The following MAST2 variants were observed in gnomAD, a reference collection of about 807,000 sequenced individuals.
MAST2 encodes microtubule-associated serine/threonine-protein kinase 2.
Under a neutral mutation model 147.4 loss-of-function variants are expected in MAST2, and 70 were observed. The observed-to-expected ratio is 0.47, with a 90% CI of 0.39 to 0.58. MAST2 has a LOEUF of 0.58. Among genes scored for constraint, MAST2 ranks in the 20% least tolerant of loss-of-function variants. The pLI is 0.00. For synonymous variants in MAST2, 869 were observed against 896.8 expected, an observed-to-expected ratio of 0.97 and a Z score of 0.55; for missense variants, 2,080 against 2,302.3, an observed-to-expected ratio of 0.90 and a Z score of 1.98.
chr1:45,988,047 C>T (rs1454752883), intron 5 of MAST2, among the ~76,000 whole-genome samples: 1 of 151,894 alleles, frequency 6.6e-6, no homozygotes, highest in Non-Finnish European at 1.5e-5. Flanking sequence ...TAGTCTTGCT[C>T]TGTTGCCCAG....
chr1:45,955,687 G>A (rs2148887989), intron 4 of MAST2, among the ~76,000 whole-genome samples: 1 of 152,292 alleles, frequency 6.6e-6, no homozygotes, highest in African/African-American at 2.4e-5. Context: ...CAATTGTAAA[G>A]GCCCTGAGAT....
intron 6 of MAST2, chr1:46,001,074 T>C (rs1645256369): frequency 2.0e-6 from 2 of 993,798 alleles, no homozygotes; most frequent in Non-Finnish European, 2.8e-6. Context: ...AAACTGGTTG[T>C]GATGATTCTT....
At chr1:45,973,041 TA>T (rs1222179360) in intron 5 of MAST2, among the ~76,000 whole-genome samples, 1 of 152,210 alleles carries the variant, frequency 6.6e-6, no homozygotes, top group Non-Finnish European at 1.5e-5. Context: ...CATTAATTTG[TA>T]TCATTTAGTA....
rs776300667 is a variant in MAST2 at position 46,028,752 on chromosome 1, G to A, written c.2053-16G>A. Reference sequence around the variant, plus strand: ...AGCCTCAGGAGGCTGAGCCAGCCTGGCTTTTCTGTGCCCAGGTATGCGGGA... The same window carrying A: ...AGCCTCAGGAGGCTGAGCCAGCCTGACTTTTCTGTGCCCAGGTATGCGGGA... On this transcript the variant is annotated splice_polypyrimidine_tract_variant and intron_variant, in intron 17 of 28. Transcript: ENST00000361297. The A allele has an allele frequency of 2.5e-6, 4 of 1,613,774 alleles. No individual in the cohort carries two copies. The highest frequency in any genetic ancestry group is 3.4e-6 in the Non-Finnish European group (4 of 1,179,954).
chr1:46,031,995 A>G lies in MAST2; in HGVS notation c.3188-183A>G, dbSNP rs548913875. ...ACATAAATGCTAGCTGCCATTTCTC[A>G]TCACCACCACCGTCTCTTGGGGTCT... On this transcript the variant is annotated intron_variant, in intron 24 of 28. Coordinates refer to ENST00000361297, the MANE Select transcript of MAST2 (RefSeq NM_015112.3). This position sits in a 1 kb window ranked among gnomAD's most constrained non-coding sequence, Gnocchi z 4.1. 6.6e-6 allele frequency among the ~76,000 whole-genome samples: 1 copy of G among 152,284 alleles called. No individual in the cohort carries two copies. Among genetic ancestry groups the G allele is most frequent in the Non-Finnish European group, 1.5e-5 (1 of 68,024 alleles).
At chr1:46,009,774 C>T (rs1014582693) in intron 9 of MAST2, among the ~76,000 whole-genome samples, 2 of 152,140 alleles carry the variant, frequency 1.3e-5, no homozygotes, top group Non-Finnish European at 2.9e-5. Context: ...CTTTTTCACC[C>T]TCTTCCTCTT....
intron 3 of MAST2, among the ~76,000 whole-genome samples, chr1:45,865,612 T>G (rs968780150): frequency 2.0e-5 from 3 of 152,206 alleles, no homozygotes; most frequent in Non-Finnish European, 4.4e-5. Flanking sequence ...GTCTGTGTTG[T>G]CTGTCCATCC....
intron 8 of MAST2, among the ~76,000 whole-genome samples, chr1:46,007,125 G>C (rs372438136): frequency 2.2e-4 from 34 of 152,328 alleles, no homozygotes; most frequent in African/African-American, 7.9e-4. Context: ...TTTAGGTTAA[G>C]GAAGGTGATG....
Position 45,880,868 on chromosome 1 carries a change from A to G in MAST2, c.469-1496A>G, listed in dbSNP as rs11490919. ...CATGGTGGTGCATGCCTGTAATCCC[A>G]GCTGGAGGCTGAGGCAGTAGAATCG... On this transcript the variant is annotated intron_variant, in intron 3 of 28. Coordinates refer to ENST00000361297, the MANE Select transcript of MAST2 (RefSeq NM_015112.3). Among the ~76,000 whole-genome samples the G allele has an allele frequency of 8.2e-3, 1,239 of 151,184 alleles. 20 individuals carry two copies. The highest frequency in any genetic ancestry group is 0.029 in the African/African-American group (1,171 of 41,066).
At chr1:45,939,248 A>T (rs1281483265) in intron 4 of MAST2, among the ~76,000 whole-genome samples, 4 of 152,160 alleles carry the variant, frequency 2.6e-5, no homozygotes, top group Non-Finnish European at 5.9e-5. Flanking sequence ...TTTTTCTAGC[A>T]GAATTCGCTG....
intron 4 of MAST2, among the ~76,000 whole-genome samples, chr1:45,953,832 G>A (rs915458257): frequency 1.3e-5 from 2 of 152,158 alleles, no homozygotes; most frequent in Admixed American, 1.3e-4. Flanking sequence ...GACTAGTTAG[G>A]AGGGTATTGA....
chr1:45,927,212 A>G (rs1317165295), intron 4 of MAST2, among the ~76,000 whole-genome samples: 1 of 152,228 alleles, frequency 6.6e-6, no homozygotes. Context: ...GGGCGAGATC[A>G]CAGGACCACA....
At chr1:46,004,099 T>G (rs1437469994) in intron 7 of MAST2, among the ~76,000 whole-genome samples, 2 of 152,110 alleles carry the variant, frequency 1.3e-5, no homozygotes, top group African/African-American at 2.4e-5. Context: ...GCGCAGTGGC[T>G]CACACCTGTA....
intron 5 of MAST2, among the ~76,000 whole-genome samples, chr1:45,961,411 C>T (rs1043340409): frequency 6.6e-6 from 1 of 152,178 alleles, no homozygotes; most frequent in African/African-American, 2.4e-5. Context: ...GCAGTAGTTA[C>T]TACTGGCTGC....
chr1:46,027,962 C>A, intron 17 of MAST2, 99 bp downstream of exon 17: 2 of 1,475,682 alleles, frequency 1.4e-6, no homozygotes, highest in Non-Finnish European at 1.9e-6. Flanking sequence ...GAGGCTGAGG[C>A]AGGAGGATCG....
At chr1:45,910,126 T>C (rs1002105561) in intron 4 of MAST2, among the ~76,000 whole-genome samples, 50 of 150,710 alleles carry the variant, frequency 3.3e-4, no homozygotes, top group Non-Finnish European at 5.6e-4. Context: ...TTTTTTTTTT[T>C]CCCCAAATTT....
chr1:45,850,799 T>C (rs994752056), intron 3 of MAST2, among the ~76,000 whole-genome samples: 4 of 151,822 alleles, frequency 2.6e-5, no homozygotes, highest in African/African-American at 7.3e-5. Context: ...TATTCTGTTC[T>C]ATAGGTCTAT....
chr1:46,024,826 C>A (rs187324763), intron 15 of MAST2, among the ~76,000 whole-genome samples: 28 of 152,252 alleles, frequency 1.8e-4, no homozygotes, highest in Admixed American at 1.7e-3. Context: ...TTACTTTCCA[C>A]CCCCCTCCAT....
At chr1:46,000,932 A>C (rs1305755089) in intron 6 of MAST2, 2 of 1,287,902 alleles carry the variant, frequency 1.6e-6, no homozygotes, top group African/African-American at 1.5e-5. Context: ...TTTGGTTCTC[A>C]CTATAATGTG....
Sources: gnomAD v4.1 joint callset for allele counts (sites outside exome capture counted in the v4.1 genomes callset) on GRCh38, gnomAD v4.1.1 for gene constraint, Gnocchi (gnomAD v3.1) non-coding constraint, MANE v1.5 for transcripts, NCBI Gene and HGNC (gene_info 2026-07-23, HGNC 2026-07-21) for gene names.